The following NFATC4 variants were observed in gnomAD, a reference collection of about 807,000 sequenced individuals.
NFATC4 encodes the protein nuclear factor of activated T-cells, cytoplasmic 4.
NFATC4 carries 25 observed loss-of-function variants against 73.4 expected under a neutral mutation model. That is an observed-to-expected ratio of 0.34 (90% CI 0.25 to 0.48). NFATC4 has a LOEUF of 0.48. Among genes scored for constraint, NFATC4 ranks in the 20% least tolerant of loss-of-function variants. The pLI, the probability that NFATC4 is intolerant of heterozygous loss-of-function variation, is 0.99. For synonymous variants in NFATC4, 523 were observed against 510.3 expected, an observed-to-expected ratio of 1.02 and a Z score of -0.34; for missense variants, 1,130 against 1,203.7, an observed-to-expected ratio of 0.94 and a Z score of 0.91.
rs2042609851 is a variant in NFATC4, at chr14:24,376,203, G to C, written c.2057-91G>C. On this transcript the variant is annotated intron_variant, in intron 8 of 9. Transcript: ENST00000250373. The surrounding 1 kb of genome is among the most constrained non-coding windows in gnomAD (Gnocchi z 5.0). ...ATCATGAGGGGCCAAGGGGTGAATGGAACCTGGGAGGAGCAGGCAGCTGGA... is the reference window on the plus strand; with the variant it reads ...ATCATGAGGGGCCAAGGGGTGAATGCAACCTGGGAGGAGCAGGCAGCTGGA... 1 of 1,581,214 alleles carries C rather than the reference G, an allele frequency of 6.3e-7. No homozygotes were observed. The highest frequency in any genetic ancestry group is 1.2e-5 in the South Asian group (1 of 85,564).
Position 24,376,711 on chromosome 14 carries a change from C to T in NFATC4, c.2474C>T (p.Pro825Leu), listed in dbSNP as rs1484662092. The change falls in exon 9 of 10, where the codon CCC (proline) becomes CTC (leucine). Residue 825 changes from proline (P) to leucine (L), a missense_variant. Pro to Leu is a moderately conservative substitution (Grantham distance 98). Coordinates refer to ENST00000250373, the MANE Select transcript of NFATC4 (RefSeq NM_004554.5). This position sits in a 1 kb window ranked among gnomAD's most constrained non-coding sequence, Gnocchi z 5.0. ...PLPASPPLEG[P>L]FPSQSDVHPL... ...CCTGCATCCCCACCGCTTGAAGGCC[C>T]CTTCCCTTCCCAGAGTGATGTGCAT... 7 of 1,613,830 alleles carry T rather than the reference C, an allele frequency of 4.3e-6. No homozygotes were observed. The Admixed American group carries it at 5.0e-5, about 12-fold the overall frequency.
Position 24,377,256 on chromosome 14 carries a change from G to C in NFATC4, c.2641+378G>C. On this transcript the variant is annotated intron_variant, in intron 9 of 9. Coordinates refer to ENST00000250373, the MANE Select transcript of NFATC4 (RefSeq NM_004554.5). This position sits in a 1 kb window ranked among gnomAD's most constrained non-coding sequence, Gnocchi z 4.2. ...GTCCCAGTCAAGCACACTTGCCATT[G>C]CCTCAGCTTTCCCCTAAACACGGTG... The C allele has an allele frequency of 8.0e-7, 1 of 1,246,444 alleles. No individual in the cohort carries two copies. Among genetic ancestry groups the C allele is most frequent in the African/African-American group, 1.5e-5 (1 of 66,184 alleles). 77.2% of individuals were successfully genotyped at this position (1,246,444 alleles called of 1,614,324 possible).
chr14:24,371,287 CAA>C (rs531147355), intron 2 of NFATC4, among the ~76,000 whole-genome samples: 202 of 152,278 alleles, frequency 1.3e-3, no homozygotes, highest in African/African-American at 4.6e-3. Context: ...TCCCATAGGG[CAA>C]AGTTTCTCAA....
At chr14:24,367,256 G>C (rs551745594), upstream of NFATC4, 5 of 1,606,714 alleles carry the variant, frequency 3.1e-6, no homozygotes, top group African/African-American at 6.7e-5. Context: ...GGGCCAAGGA[G>C]GGGGAAGAGG....
chr14:24,373,506 C>T lies in NFATC4; in HGVS notation c.1559+136C>T. ...AGGAGCTGGCTTCAGGCCTACCCAC[C>T]ATCTGGAAGAGGACTTTTGGGGTTG... On this transcript the variant is annotated intron_variant, in intron 4 of 9. Coordinates refer to ENST00000250373, the MANE Select transcript of NFATC4 (RefSeq NM_004554.5). The surrounding 1 kb of genome is among the most constrained non-coding windows in gnomAD (Gnocchi z 4.7). 1 of 1,361,306 alleles carries T rather than the reference C, an allele frequency of 7.3e-7. No individual in the cohort carries two copies. The highest frequency in any genetic ancestry group is 1.0e-6 in the Non-Finnish European group (1 of 994,416). 84.3% of individuals were successfully genotyped at this position (1,361,306 alleles called of 1,614,324 possible).
At chr14:24,370,665 G>T in intron 2 of NFATC4, 71 bp downstream of exon 2, 1 of 1,527,254 alleles carries the variant, frequency 6.5e-7, no homozygotes, top group Non-Finnish European at 8.8e-7. Flanking sequence ...TCAAGGGATG[G>T]ATTTGAAGAC....
chr14:24,372,361 C>A (rs1481357158), intron 2 of NFATC4, 80 bp from the exon 3 acceptor site: 2 of 1,446,454 alleles, frequency 1.4e-6, no homozygotes, highest in South Asian at 1.2e-5. Flanking sequence ...GACCCATACC[C>A]CCTCCTCCCT....
upstream of NFATC4, chr14:24,367,632 G>A (rs2042342150): frequency 1.3e-6 from 2 of 1,536,024 alleles, no homozygotes; most frequent in African/African-American, 2.7e-5. Flanking sequence ...ACTTCCAGAA[G>A]GCCCGGGCAG....
chr14:24,367,228 A>C (rs1438311599), upstream of NFATC4: 2 of 1,611,608 alleles, frequency 1.2e-6, no homozygotes, highest in Non-Finnish European at 1.7e-6. Flanking sequence ...ACAGGTGTCC[A>C]GCCTGTTGGG....
chr14:24,376,787 G>A lies in NFATC4; in HGVS notation c.2550G>A (p.Gly850=), dbSNP rs572609402. 3.1e-6 allele frequency: 5 copies of A among 1,612,456 alleles called. No individual in the cohort carries two copies. Among genetic ancestry groups the A allele is most frequent in the Non-Finnish European group, 4.2e-6 (5 of 1,179,404 alleles). Residue 850 remains glycine (G), a synonymous_variant, in exon 9 of 10, where the codon GGG becomes GGA. Coordinates refer to ENST00000250373, the MANE Select transcript of NFATC4 (RefSeq NM_004554.5). The surrounding 1 kb of genome is among the most constrained non-coding windows in gnomAD (Gnocchi z 5.0). ...YNKVGPGYGP[G]EGAPEQEKSR... is the part of the protein sequence containing the mutation. ...AGGTAGGGCCAGGCTATGGCCCTGG[G>A]GAGGGGGCTCCGGAGCAGGAGAAAT...
chr14:24,373,364 C>A lies in NFATC4; in HGVS notation c.1553C>A (p.Ala518Glu). The A allele has an allele frequency of 6.2e-7, 1 of 1,613,782 alleles. No individual in the cohort carries two copies. Among genetic ancestry groups the A allele is most frequent in the Non-Finnish European group, 8.5e-7 (1 of 1,180,030 alleles). ...ACTCTGCTGCCTGAGAACAACATGGCGGCCAAGTAAGTCCCATGCAACTTC... is the reference window on the plus strand; with the variant it reads ...ACTCTGCTGCCTGAGAACAACATGGAGGCCAAGTAAGTCCCATGCAACTTC... ...EMTLLPENNM[A>E]ANIDCAGILK... The change falls in exon 4 of 10, where the codon GCG becomes GAG. Residue 518 changes from alanine to glutamate, a missense_variant. By Grantham distance (107) the Ala-to-Glu change is moderately radical. Coordinates refer to ENST00000250373, the MANE Select transcript of NFATC4 (RefSeq NM_004554.5). The surrounding 1 kb of genome is among the most constrained non-coding windows in gnomAD (Gnocchi z 4.7).
rs1043475370 is a variant in NFATC4, at chr14:24,370,343, T to G, written c.945T>G (p.Phe315Leu). 3 of 1,613,458 alleles carry G rather than the reference T, an allele frequency of 1.9e-6. No individual in the cohort carries two copies. The highest frequency in any genetic ancestry group is 2.5e-6 in the Non-Finnish European group (3 of 1,179,824). ...LARDPGSPGP[F>L]DYVGAPPAES... ...GGGACCCGGGCTCCCCTGGTCCCTT[T>G]GACTATGTGGGGGCCCCACCAGCTG... is the stretch of plus-strand genomic sequence containing the variant. Residue 315 changes from phenylalanine to leucine, a missense_variant, in exon 2 of 10, where the codon TTT becomes TTG. Around this residue, in one of 3 missense-constraint regions of NFATC4, gnomAD observed 585 missense variants for 574.3 expected, o/e 1.02. Coordinates refer to ENST00000250373, the MANE Select transcript of NFATC4 (RefSeq NM_004554.5).
chr14:24,373,030 C>A lies in NFATC4; in HGVS notation c.1360-141C>A. The A allele has an allele frequency of 1.2e-6, 1 of 835,358 alleles. No homozygotes were observed. The highest frequency in any genetic ancestry group is 2.7e-5 in the East Asian group (1 of 37,386). The allele number at this position is 835,358 out of a possible 1,614,324, so 51.7% of individuals were successfully genotyped here. ...GGCCATGTTTTCTCCACAACGGGTG[C>A]CCAGTTCCCCAAGGGATTCCCTTGC... On this transcript the variant is annotated intron_variant, in intron 3 of 9. Coordinates refer to ENST00000250373, the MANE Select transcript of NFATC4 (RefSeq NM_004554.5). The surrounding 1 kb of genome is among the most constrained non-coding windows in gnomAD (Gnocchi z 4.7).
Position 24,373,123 on chromosome 14 carries a change from T to C in NFATC4, c.1360-48T>C, listed in dbSNP as rs1446583535. The C allele has an allele frequency of 6.4e-7, 1 of 1,569,554 alleles. No homozygotes were observed. Among genetic ancestry groups the C allele is most frequent in the Non-Finnish European group, 8.8e-7 (1 of 1,141,694 alleles). ...TGAAAATCTAGGGATGAATAAAGGA[T>C]GAGACGGTGGGGATTTCAATGAGGT... is the stretch of plus-strand genomic sequence containing the variant. On this transcript the variant is annotated intron_variant, in intron 3 of 9. Transcript: ENST00000250373. This position sits in a 1 kb window ranked among gnomAD's most constrained non-coding sequence, Gnocchi z 4.7.
chr14:24,375,757 G>GCCCC, intron 7 of NFATC4, 42 bp downstream of exon 7: 3 of 566,434 alleles, frequency 5.3e-6, no homozygotes, highest in Non-Finnish European at 9.9e-6. Context: ...GCGGGGGTGG[G>GCCCC]AGAAGGCAGG....
rs543241308 is a variant in NFATC4, at chr14:24,377,860, C to G, written c.*155C>G. 2.8e-6 allele frequency: 4 copies of G among 1,433,078 alleles called. No individual in the cohort carries two copies. Among genetic ancestry groups the G allele is most frequent in the Non-Finnish European group, 3.7e-6 (4 of 1,072,684 alleles). The allele number at this position is 1,433,078 out of a possible 1,614,324, so 88.8% of individuals were successfully genotyped here. On this transcript the variant is annotated 3_prime_UTR_variant, in exon 10 of 10. Coordinates refer to ENST00000250373, the MANE Select transcript of NFATC4 (RefSeq NM_004554.5). The surrounding 1 kb of genome is among the most constrained non-coding windows in gnomAD (Gnocchi z 4.2). ...GTCTCACTGTCTTCCCTCCCCTCCC[C>G]CAGCTGAGGTGTGGCCCTCAGGCCT...
chr14:24,377,752 C>G lies in NFATC4; in HGVS notation c.*47C>G. 1 of 1,613,974 alleles carries G rather than the reference C, an allele frequency of 6.2e-7. No homozygotes were observed. The highest frequency in any genetic ancestry group is 1.7e-5 in the Admixed American group (1 of 60,008). On this transcript the variant is annotated 3_prime_UTR_variant, in exon 10 of 10. Transcript: ENST00000250373. The surrounding 1 kb of genome is among the most constrained non-coding windows in gnomAD (Gnocchi z 4.2). ...TGGCAACCCCAGCCCCAGCCTCAGC[C>G]CTGCCCCCTTTCCCTCCTTCCTGGA...
intron 2 of NFATC4, 148 bp downstream of exon 2, chr14:24,370,742 G>T: frequency 8.8e-7 from 1 of 1,138,192 alleles, no homozygotes; most frequent in African/African-American, 1.6e-5. Flanking sequence ...CCAACTACCT[G>T]GTTTTAAAGA....
At position 24,369,823 on chromosome 14, in the gene NFATC4, C is replaced by T. The variant is rs999791858; in HGVS notation, c.425C>T (p.Ser142Phe). 2.1e-5 allele frequency: 33 copies of T among 1,602,012 alleles called. No homozygotes were observed. Among genetic ancestry groups the T allele is most frequent in the South Asian group, 3.3e-5 (3 of 89,904 alleles). ...EDNPDAWGDG[S>F]PRDYPPPEGF... is the part of the protein sequence containing the mutation. ...AACCCTGATGCCTGGGGGGACGGCT[C>T]TCCTAGAGATTACCCCCCACCAGAA... Residue 142 changes from serine (S) to phenylalanine (F), a missense_variant, in exon 2 of 10, where the codon TCT becomes TTT. This residue lies in a region of NFATC4 where 585 missense variants were observed against 574.3 expected (regional missense o/e 1.02). Transcript: ENST00000250373.
Sources: gnomAD v4.1 joint callset for allele counts (sites outside exome capture counted in the v4.1 genomes callset) on GRCh38, gnomAD v4.1.1 for gene constraint, gnomAD v4.1.1 regional missense constraint, Gnocchi (gnomAD v3.1) non-coding constraint, MANE v1.5 for transcripts, NCBI Gene and HGNC (gene_info 2026-07-23, HGNC 2026-07-21) for gene names.